Variants in CSMD2 observed in about 807,000 individuals in gnomAD.
CSMD2 encodes the protein CUB and sushi domain-containing protein 2.
In CSMD2, 130 loss-of-function variants were observed where a neutral mutation model predicts 398.5. The ratio of observed to expected loss-of-function variants is 0.33; its 90% CI spans 0.28 to 0.38. CSMD2 has a LOEUF of 0.38. Among genes scored for constraint, CSMD2 ranks in the 10% least tolerant of loss-of-function variants. The pLI is 1.00. For synonymous variants in CSMD2, 1,828 were observed against 1,908.5 expected (o/e 0.96, Z 1.10); for missense variants, 3,829 against 4,764.9 (o/e 0.80, Z 5.78).
intron 5 of CSMD2, among the ~76,000 whole-genome samples, chr1:33,885,760 G>T (rs1215071082): frequency 4.6e-5 from 7 of 152,186 alleles, no homozygotes; most frequent in Admixed American, 3.9e-4. Flanking sequence ...TATGGAGAAA[G>T]ATACCACCAG....
intron 3 of CSMD2, 64 bp downstream of exon 3, chr1:34,032,530 T>G: frequency 9.3e-7 from 1 of 1,073,434 alleles, no homozygotes; most frequent in Non-Finnish European, 1.3e-6. Flanking sequence ...AGCAATGCAG[T>G]CCTGCTTGTG....
chr1:33,728,414 T>C (rs1381444907), intron 15 of CSMD2, among the ~76,000 whole-genome samples: 1 of 152,204 alleles, frequency 6.6e-6, no homozygotes, highest in East Asian at 1.9e-4. Flanking sequence ...TATTAGGAAG[T>C]TTAATTAACA....
At chr1:33,613,920 A>C (rs1641211043) in intron 40 of CSMD2, among the ~76,000 whole-genome samples, 1 of 152,160 alleles carries the variant, frequency 6.6e-6, no homozygotes, top group Non-Finnish European at 1.5e-5. Flanking sequence ...TCCCATGCCT[A>C]GCATACTCCA....
At chr1:33,701,901 T>A (rs555860937) in intron 22 of CSMD2, among the ~76,000 whole-genome samples, 1 of 152,272 alleles carries the variant, frequency 6.6e-6, no homozygotes, top group South Asian at 2.1e-4. Flanking sequence ...GAAATAATAA[T>A]CATCAATTGC....
rs373368690 is a variant in CSMD2 at position 33,810,718 on chromosome 1, C to G, written c.1446+25G>C. On this transcript the variant is annotated intron_variant, in intron 10 of 70. Coordinates refer to ENST00000373381, the MANE Select transcript of CSMD2 (RefSeq NM_001281956.2). ...CCAACCTAGCCCTGCCCACAGAACACCACCCCGCTCCCCAAGAGGCTTACC... is the reference window on the plus strand; with the variant it reads ...CCAACCTAGCCCTGCCCACAGAACAGCACCCCGCTCCCCAAGAGGCTTACC... 4 of 1,610,714 alleles carry G rather than the reference C, an allele frequency of 2.5e-6. No homozygotes were observed. In the Admixed American group the frequency reaches 6.7e-5, roughly 27 times the overall value.
At chr1:33,550,784 A>C (rs1657373015) in intron 55 of CSMD2, among the ~76,000 whole-genome samples, 1 of 152,208 alleles carries the variant, frequency 6.6e-6, no homozygotes, top group South Asian at 2.1e-4. Context: ...TTCCATCTGC[A>C]TCTTACAGTT....
chr1:34,069,477 C>T (rs931782524), intron 2 of CSMD2, among the ~76,000 whole-genome samples: 9 of 152,160 alleles, frequency 5.9e-5, no homozygotes, highest in African/African-American at 2.2e-4. Flanking sequence ...AACTCTTTTG[C>T]ATTGCTGATG....
rs185545645 is a variant in CSMD2, at chr1:34,079,851, C to T, written c.404+9126G>A. The stretch of plus-strand genomic sequence containing the variant: ...AGATAAAAGGAAGTAACAGTAAGGA[C>T]GCTTAAAAGTAATAGAAAGCATTAA... On this transcript the variant is annotated intron_variant, in intron 2 of 70. Transcript: ENST00000373381. 3.1e-4 allele frequency among the ~76,000 whole-genome samples: 47 copies of T among 152,102 alleles called. 1 individual carries two copies. The highest frequency in any genetic ancestry group is 8.7e-4 in the African/African-American group (36 of 41,520).
intron 4 of CSMD2, among the ~76,000 whole-genome samples, chr1:33,934,519 T>C (rs1644407703): frequency 6.6e-6 from 1 of 152,196 alleles, no homozygotes; most frequent in African/African-American, 2.4e-5. Flanking sequence ...TGATTGATTG[T>C]TTTTCAAAGG....
intron 2 of CSMD2, among the ~76,000 whole-genome samples, chr1:34,056,452 T>C (rs1467546185): frequency 1.3e-5 from 2 of 152,204 alleles, no homozygotes; most frequent in East Asian, 3.9e-4. Flanking sequence ...CAATTTAGTA[T>C]AATAATTAGG....
At chr1:33,871,637 G>A (rs547177269) in intron 5 of CSMD2, among the ~76,000 whole-genome samples, 1 of 152,236 alleles carries the variant, frequency 6.6e-6, no homozygotes, top group African/African-American at 2.4e-5. Context: ...TTGTTTTTGA[G>A]ATGGAGTCTC....
intron 5 of CSMD2, among the ~76,000 whole-genome samples, chr1:33,880,387 T>A (rs1039656554): frequency 6.6e-6 from 1 of 152,240 alleles, no homozygotes; most frequent in African/African-American, 2.4e-5. Flanking sequence ...AAACTTTCTA[T>A]CTGAATGGAT....
intron 44 of CSMD2, chr1:33,599,484 T>A (rs181111142): frequency 1.3e-5 from 2 of 152,252 alleles, no homozygotes. Flanking sequence ...GGAGGTTAGG[T>A]ACTTATATGA....
At chr1:34,135,063 C>A (rs1638576548) in intron 1 of CSMD2, among the ~76,000 whole-genome samples, 1 of 152,132 alleles carries the variant, frequency 6.6e-6, no homozygotes, top group African/African-American at 2.4e-5. Context: ...CTGGGCCAAG[C>A]AATCTGTATT....
intron 1 of CSMD2, among the ~76,000 whole-genome samples, chr1:34,089,417 A>G (rs1234451946): frequency 6.6e-6 from 1 of 152,160 alleles, no homozygotes; most frequent in Non-Finnish European, 1.5e-5. Flanking sequence ...GTATCATTTA[A>G]TCAAGGCTTA....
At chr1:34,156,296 T>C (rs533178531) in intron 1 of CSMD2, among the ~76,000 whole-genome samples, 2 of 152,166 alleles carry the variant, frequency 1.3e-5, no homozygotes, top group Non-Finnish European at 2.9e-5. Flanking sequence ...GTAGACAGAT[T>C]GAGGCTGGGG....
intron 64 of CSMD2, among the ~76,000 whole-genome samples, chr1:33,532,059 C>A (rs1655285515): frequency 1.3e-5 from 2 of 152,106 alleles, no homozygotes; most frequent in African/African-American, 2.4e-5. Context: ...CAAGTGATAC[C>A]ATGAAAATAA....
chr1:33,752,342 A>G (rs1456561519), intron 13 of CSMD2, among the ~76,000 whole-genome samples: 5 of 152,186 alleles, frequency 3.3e-5, no homozygotes, highest in Non-Finnish European at 5.9e-5. Context: ...GGTAGTTCAC[A>G]TGAAATCTGG....
intron 14 of CSMD2, among the ~76,000 whole-genome samples, chr1:33,742,492 G>A (rs950271384): frequency 6.6e-6 from 1 of 151,814 alleles, no homozygotes; most frequent in Non-Finnish European, 1.5e-5. Flanking sequence ...CATCAGCCAA[G>A]TCCACTGGAT....
Sources: gnomAD v4.1 joint callset for allele counts (sites outside exome capture counted in the v4.1 genomes callset) on GRCh38, gnomAD v4.1.1 for gene constraint, MANE v1.5 for transcripts, NCBI Gene and HGNC (gene_info 2026-07-23, HGNC 2026-07-21) for gene names.